The following ABCA13 variants were observed in gnomAD, a reference collection of about 807,000 sequenced individuals.
ABCA13 encodes ATP-binding cassette sub-family A member 13.
ABCA13 carries 476 observed loss-of-function variants against 478.7 expected under a neutral mutation model. The observed-to-expected ratio is 0.99, with a 90% CI of 0.92 to 1.07. The LOEUF is 1.07. ABCA13 is among the 50% of genes least tolerant of loss of function. The pLI is 0.00. For missense variants in ABCA13, 6,060 were observed against 5,910.6 expected, an observed-to-expected ratio of 1.03 and a Z score of -0.83; for synonymous variants, 2,252 against 2,158.9, an observed-to-expected ratio of 1.04 and a Z score of -1.20.
chr7:48,475,379 A>G (rs1239903336), intron 45 of ABCA13, among the ~76,000 whole-genome samples: 2 of 151,894 alleles, frequency 1.3e-5, no homozygotes, highest in Non-Finnish European at 2.9e-5. Context: ...GTGTTTTGTT[A>G]GAAGGAAAAA....
chr7:48,425,319 T>C (rs895928863), intron 41 of ABCA13, among the ~76,000 whole-genome samples: 4 of 152,216 alleles, frequency 2.6e-5, no homozygotes, highest in Non-Finnish European at 4.4e-5. Flanking sequence ...AATATTGTTA[T>C]CAATAATGCC....
intron 36 of ABCA13, 72 bp downstream of exon 36, chr7:48,388,031 T>G: frequency 6.6e-7 from 1 of 1,514,456 alleles, no homozygotes; most frequent in South Asian, 1.2e-5. Context: ...TTTGTTTGTT[T>G]TTATGGTCCA....
chr7:48,268,735 C>T (rs1469380100), intron 15 of ABCA13, among the ~76,000 whole-genome samples: 1 of 151,212 alleles, frequency 6.6e-6, no homozygotes, highest in Non-Finnish European at 1.5e-5. Flanking sequence ...AATCATAGGT[C>T]TCGCTCTGTT....
At chr7:48,248,200 CT>C (rs528136068) in intron 13 of ABCA13, 38 bp from the exon 14 acceptor site, 25 of 1,549,482 alleles carry the variant, frequency 1.6e-5, no homozygotes, top group Non-Finnish European at 2.2e-5. Flanking sequence ...ATCTGAATTG[CT>C]TTATTTATTA....
intron 47 of ABCA13, among the ~76,000 whole-genome samples, chr7:48,487,335 A>AAC (rs1829421081): frequency 2.0e-5 from 1 of 49,884 alleles, no homozygotes; most frequent in African/African-American, 1.6e-4. Flanking sequence ...AAAACAAAAC[A>AAC]AAAAAAACAA....
chr7:48,299,626 T>C (rs1364308379), intron 23 of ABCA13, among the ~76,000 whole-genome samples: 1 of 152,126 alleles, frequency 6.6e-6, no homozygotes, highest in African/African-American at 2.4e-5. Flanking sequence ...GAAGGAGTAA[T>C]CGGAGCAGCT....
chr7:48,380,664 A>C (rs17661929), intron 35 of ABCA13, among the ~76,000 whole-genome samples: 21,738 of 152,142 alleles, frequency 0.14, 1,670 homozygotes, highest in East Asian at 0.27. Flanking sequence ...TCTGCACACT[A>C]AAGGCAATTG....
At position 48,173,385 on chromosome 7, in the gene ABCA13, A is replaced by C. The variant is rs568213741; in HGVS notation, c.69+1833A>C. On this transcript the variant is annotated intron_variant, in intron 1 of 61. Coordinates refer to ENST00000435803, the MANE Select transcript of ABCA13 (RefSeq NM_152701.5). ...CAGCACCCAGAACAGTGCCTGGCAC[A>C]CAATGGATGTTCAGTAAATATTTGT... Among the ~76,000 whole-genome samples the C allele has an allele frequency of 7.9e-5, 12 of 152,374 alleles. No homozygotes were observed. In the South Asian group the frequency reaches 2.5e-3, roughly 32 times the overall value.
chr7:48,604,782 T>C (rs960982075), intron 58 of ABCA13, among the ~76,000 whole-genome samples: 1 of 152,204 alleles, frequency 6.6e-6, no homozygotes, highest in Non-Finnish European at 1.5e-5. Flanking sequence ...TGGATATCCT[T>C]GTTAATTTTC....
chr7:48,277,848 A>G (rs368370887), intron 17 of ABCA13, among the ~76,000 whole-genome samples: 1 of 152,194 alleles, frequency 6.6e-6, no homozygotes, highest in Non-Finnish European at 1.5e-5. Flanking sequence ...TGGCTTTTTA[A>G]GTTGCTAGGT....
chr7:48,620,216 A>G (rs894099083), intron 59 of ABCA13, among the ~76,000 whole-genome samples: 6 of 137,540 alleles, frequency 4.4e-5, no homozygotes, highest in Non-Finnish European at 9.3e-5. Context: ...TTAAAAGGGG[A>G]TTTAATTCTG....
intron 42 of ABCA13, among the ~76,000 whole-genome samples, chr7:48,443,582 T>C (rs1262455484): frequency 6.6e-6 from 1 of 152,198 alleles, no homozygotes; most frequent in African/African-American, 2.4e-5. Context: ...ACTCATCGCA[T>C]GGTTTTCAGT....
At chr7:48,570,149 G>A (rs1787469564) in intron 55 of ABCA13, among the ~76,000 whole-genome samples, 1 of 151,832 alleles carries the variant, frequency 6.6e-6, no homozygotes. Flanking sequence ...TTAATTTCAT[G>A]TTTTTATGAT....
At chr7:48,483,870 G>A (rs1371788101) in intron 47 of ABCA13, among the ~76,000 whole-genome samples, 2 of 152,224 alleles carry the variant, frequency 1.3e-5, no homozygotes, top group Non-Finnish European at 2.9e-5. Flanking sequence ...TTGATTGAGA[G>A]AGAAATCAGA....
chr7:48,331,922 T>C (rs1177772861), intron 27 of ABCA13, among the ~76,000 whole-genome samples: 1 of 152,218 alleles, frequency 6.6e-6, no homozygotes. Context: ...CCCTGACCCC[T>C]GCCAGCCACC....
rs79140656 is a variant in ABCA13 at position 48,397,769 on chromosome 7, T to C, written c.11873+5630T>C. 2.9e-3 allele frequency among the ~76,000 whole-genome samples: 446 copies of C among 152,346 alleles called. 3 individuals carry two copies. The highest frequency in any genetic ancestry group is 0.01 in the African/African-American group (416 of 41,576). ...GTGTGGAAAAAGCCAAATCTCCTTCTGGATGGATGCTGACACTGTGAGGGC... is the reference window on the plus strand; with the variant it reads ...GTGTGGAAAAAGCCAAATCTCCTTCCGGATGGATGCTGACACTGTGAGGGC... On this transcript the variant is annotated intron_variant, in intron 38 of 61. Coordinates refer to ENST00000435803, the MANE Select transcript of ABCA13 (RefSeq NM_152701.5).
chr7:48,442,475 C>T (rs1163295591), intron 42 of ABCA13, among the ~76,000 whole-genome samples: 2 of 152,098 alleles, frequency 1.3e-5, no homozygotes, highest in African/African-American at 4.8e-5. Flanking sequence ...CCTTTGGGTC[C>T]TTTTTTAAAA....
intron 27 of ABCA13, among the ~76,000 whole-genome samples, chr7:48,326,205 T>C (rs996464338): frequency 1.3e-5 from 2 of 152,218 alleles, no homozygotes; most frequent in Non-Finnish European, 1.5e-5. Flanking sequence ...CACTGGAATC[T>C]GGAAGAGAAA....
At chr7:48,325,386 C>T (rs933210806) in intron 27 of ABCA13, among the ~76,000 whole-genome samples, 1 of 152,178 alleles carries the variant, frequency 6.6e-6, no homozygotes, top group Admixed American at 6.5e-5. Context: ...GCCTCAACCT[C>T]CCTCATGCCC....
Sources: allele counts gnomAD v4.1 joint callset (sites outside exome capture counted in the v4.1 genomes callset), GRCh38; gene constraint gnomAD v4.1.1; transcripts MANE v1.5; gene names NCBI Gene and HGNC (gene_info 2026-07-23, HGNC 2026-07-21).